Variants in DLGAP2 observed in about 807,000 individuals in gnomAD.
The protein encoded by DLGAP2 is DLG associated protein 2.
In DLGAP2, 26 loss-of-function variants were observed where a neutral mutation model predicts 100.3. The observed-to-expected ratio is 0.26, with a 90% CI of 0.19 to 0.36. The LOEUF (loss-of-function observed/expected upper bound fraction) is 0.36. Ranked by LOEUF, DLGAP2 falls within the 10% of genes least tolerant of loss-of-function variation. The pLI, the probability that DLGAP2 is intolerant of heterozygous loss-of-function variation, is 1.00. For synonymous variants in DLGAP2, 886 were observed against 630.1 expected (o/e 1.41, Z -6.08); for missense variants, 1,858 against 1,453.2 (o/e 1.28, Z -4.53).
chr8:1,629,361 C>T (rs765829042), intron 7 of DLGAP2, among the ~76,000 whole-genome samples: 1 of 152,192 alleles, frequency 6.6e-6, no homozygotes, highest in Non-Finnish European at 1.5e-5. Flanking sequence ...GAAAGACCGT[C>T]CCTAGCCCTG....
At chr8:935,695 A>G (rs1246186080) in intron 2 of DLGAP2, among the ~76,000 whole-genome samples, 1 of 151,682 alleles carries the variant, frequency 6.6e-6, no homozygotes, top group Non-Finnish European at 1.5e-5. Flanking sequence ...TGTTTCCTTC[A>G]CAAGATCTCT....
At chr8:1,187,741 C>T (rs1797541668) in intron 2 of DLGAP2, among the ~76,000 whole-genome samples, 1 of 147,194 alleles carries the variant, frequency 6.8e-6, no homozygotes, top group South Asian at 2.2e-4. Context: ...CCCGAGACTT[C>T]CGTGACGTTT....
intron 4 of DLGAP2, among the ~76,000 whole-genome samples, chr8:1,542,674 C>T (rs1801403109): frequency 6.6e-6 from 1 of 152,222 alleles, no homozygotes; most frequent in Non-Finnish European, 1.5e-5. Context: ...CACTTTTTGG[C>T]AACTATGAAT....
intron 2 of DLGAP2, among the ~76,000 whole-genome samples, chr8:1,172,933 A>G (rs185162957): frequency 1.1e-4 from 16 of 152,246 alleles, no homozygotes; most frequent in African/African-American, 3.9e-4. Flanking sequence ...AGGAACTGTG[A>G]TGCTTTGGAG....
At position 1,134,187 on chromosome 8, in the gene DLGAP2, T is replaced by C. The variant is rs1386010107; in HGVS notation, c.74-124664T>C. Among the ~76,000 whole-genome samples the C allele has an allele frequency of 2.6e-5, 4 of 152,262 alleles. No individual in the cohort carries two copies. In the East Asian group the frequency reaches 7.7e-4, roughly 29 times the overall value. ...GACATGATCTTGTTCTTTTTATGGC[T>C]GCATAGTATTCCATGGTATACATGT... On this transcript the variant is annotated intron_variant, in intron 2 of 14. Transcript: ENST00000637795.
intron 2 of DLGAP2, among the ~76,000 whole-genome samples, chr8:964,781 TGC>T (rs1181773868): frequency 3.9e-5 from 6 of 152,344 alleles, no homozygotes; most frequent in African/African-American, 9.6e-5. Context: ...CCACACTTCT[TGC>T]TGCTCTGTGC....
chr8:902,985 CGGGGG>C (rs539189812), intron 1 of DLGAP2, among the ~76,000 whole-genome samples: 2 of 39,774 alleles, frequency 5.0e-5, no homozygotes, highest in African/African-American at 2.3e-4. Flanking sequence ...TGGGTGGGGG[CGGGGG>C]GGCGGAAAGT....
chr8:1,294,871 AAC>A (rs1800134823), intron 3 of DLGAP2, among the ~76,000 whole-genome samples: 9 of 136,976 alleles, frequency 6.6e-5, no homozygotes, highest in Non-Finnish European at 3.3e-5. Flanking sequence ...CTTGTCTCAA[AAC>A]AAAAAAAAAC....
intron 2 of DLGAP2, among the ~76,000 whole-genome samples, chr8:1,060,163 C>T (rs1803033055): frequency 6.6e-6 from 1 of 152,170 alleles, no homozygotes; most frequent in Non-Finnish European, 1.5e-5. Context: ...TGCGTGGCTG[C>T]ATCCGTTTCC....
In DLGAP2 at chr8:1,195,956, C is replaced by G. The variant is rs570180877; in HGVS notation, c.74-62895C>G. ...GTTTCAACTTAATTAATAGTTACCTCCATGTTTGGATTGTCACACTGGGCA... is the reference window on the plus strand; with the variant it reads ...GTTTCAACTTAATTAATAGTTACCTGCATGTTTGGATTGTCACACTGGGCA... On this transcript the variant is annotated intron_variant, in intron 2 of 14. Coordinates refer to ENST00000637795, the MANE Select transcript of DLGAP2 (RefSeq NM_001346810.2). Among the ~76,000 whole-genome samples, 4 of 152,318 alleles carry G rather than the reference C, an allele frequency of 2.6e-5. No homozygotes were observed. The East Asian group carries it at 7.7e-4, about 29-fold the overall frequency.
At chr8:879,355 G>C (rs747173156) in intron 1 of DLGAP2, among the ~76,000 whole-genome samples, 1 of 152,166 alleles carries the variant, frequency 6.6e-6, no homozygotes, top group African/African-American at 2.4e-5. Flanking sequence ...TGTCTGCTTG[G>C]GGAGCGTAGG....
chr8:1,366,396 A>G lies in DLGAP2; in HGVS notation c.106+107513A>G, dbSNP rs1031899417. ...CAGAGAACTGTCATTCTGCAAGGGC[A>G]TGTTGTGAGAGAACCAAGCGCACTG... is the stretch of plus-strand genomic sequence containing the variant. On this transcript the variant is annotated intron_variant, in intron 3 of 14. Coordinates refer to ENST00000637795, the MANE Select transcript of DLGAP2 (RefSeq NM_001346810.2). Among the ~76,000 whole-genome samples the G allele has an allele frequency of 2.6e-5, 4 of 152,210 alleles. No homozygotes were observed. The East Asian group carries it at 7.7e-4, about 29-fold the overall frequency.
At chr8:918,756 A>C (rs1391462407) in intron 2 of DLGAP2, among the ~76,000 whole-genome samples, 1 of 152,248 alleles carries the variant, frequency 6.6e-6, no homozygotes, top group African/African-American at 2.4e-5. Flanking sequence ...CTTTTTAGAC[A>C]TAGAGGCACG....
At chr8:1,699,199 A>C (rs1310739004) in intron 14 of DLGAP2, among the ~76,000 whole-genome samples, 1 of 152,232 alleles carries the variant, frequency 6.6e-6, no homozygotes, top group Non-Finnish European at 1.5e-5. Flanking sequence ...AGCTGCGCAT[A>C]GAGTATGATT....
At chr8:1,207,254 C>T (rs1798016502) in intron 2 of DLGAP2, among the ~76,000 whole-genome samples, 1 of 152,208 alleles carries the variant, frequency 6.6e-6, no homozygotes, top group African/African-American at 2.4e-5. Flanking sequence ...CCCGAGTCCC[C>T]AAAGTCCATT....
chr8:1,278,108 C>G (rs1026712012), intron 3 of DLGAP2, among the ~76,000 whole-genome samples: 10 of 152,190 alleles, frequency 6.6e-5, no homozygotes, highest in Admixed American at 6.5e-4. Context: ...GATGATACCT[C>G]ACGCCAGGTC....
At chr8:1,594,885 C>A (rs1301467225) in intron 6 of DLGAP2, among the ~76,000 whole-genome samples, 3 of 152,188 alleles carry the variant, frequency 2.0e-5, no homozygotes, top group African/African-American at 7.2e-5. Context: ...TGGGCACAGC[C>A]AATTCTGTCC....
intron 6 of DLGAP2, among the ~76,000 whole-genome samples, chr8:1,584,997 C>G (rs1796071748): frequency 3.3e-5 from 5 of 151,714 alleles, no homozygotes; most frequent in Admixed American, 3.3e-4. Flanking sequence ...CAATGAAAGA[C>G]AAATTAAAAA....
chr8:1,597,615 A>T (rs989244446), intron 6 of DLGAP2, among the ~76,000 whole-genome samples: 2 of 151,918 alleles, frequency 1.3e-5, no homozygotes, highest in Non-Finnish European at 2.9e-5. Context: ...TAGGTATTTT[A>T]TTCTCTTTGT....
Sources: gnomAD v4.1 joint callset for allele counts (sites outside exome capture counted in the v4.1 genomes callset) on GRCh38, gnomAD v4.1.1 for gene constraint, MANE v1.5 for transcripts, NCBI Gene and HGNC (gene_info 2026-07-23, HGNC 2026-07-21) for gene names.